Variants in NTPCR observed in about 807,000 individuals in gnomAD.
NTPCR encodes cancer-related nucleoside-triphosphatase.
NTPCR carries 15 observed loss-of-function variants against 19.5 expected under a neutral mutation model. The ratio of observed to expected loss-of-function variants is 0.77; its 90% CI spans 0.51 to 1.18. The LOEUF is 1.18. Among genes scored for constraint, NTPCR ranks in the 50% most tolerant of loss-of-function variants. The pLI is 0.00. For synonymous variants in NTPCR, 90 were observed against 95.8 expected (o/e 0.94, Z 0.36); for missense variants, 206 against 240.4 (o/e 0.86, Z 0.95).
At chr1:232,960,773 C>G (rs1293568217) in intron 3 of NTPCR, among the ~76,000 whole-genome samples, 3 of 152,088 alleles carry the variant, frequency 2.0e-5, no homozygotes, top group Non-Finnish European at 4.4e-5. Flanking sequence ...GTAGGGTTGA[C>G]TGTTAATTTT....
chr1:232,956,837 G>A (rs1418977877), intron 3 of NTPCR, among the ~76,000 whole-genome samples: 1 of 152,058 alleles, frequency 6.6e-6, no homozygotes, highest in African/African-American at 2.4e-5. Flanking sequence ...ACTGTAAGCA[G>A]TTAACGTATT....
At position 232,958,352 on chromosome 1, in the gene NTPCR, G is replaced by T. The variant is rs114930960; in HGVS notation, c.294+1909G>T. Among the ~76,000 whole-genome samples the T allele has an allele frequency of 2.0e-3, 305 of 152,310 alleles. 2 individuals are homozygous for T. Among genetic ancestry groups the T allele is most frequent in the African/African-American group, 7.2e-3 (299 of 41,574 alleles). On this transcript the variant is annotated intron_variant, in intron 3 of 4. Coordinates refer to ENST00000366628, the MANE Select transcript of NTPCR (RefSeq NM_032324.3). ...CAATCAGACTTCCCACATATGCCAG[G>T]CTGAGGCCCTTGGCACTTGCCATTT...
chr1:232,972,634 C>T (rs772827451), intron 4 of NTPCR, among the ~76,000 whole-genome samples: 25 of 151,258 alleles, frequency 1.7e-4, no homozygotes, highest in Non-Finnish European at 2.2e-4. Flanking sequence ...CCATGTTGCC[C>T]GGGGTTGATC....
intron 1 of NTPCR, among the ~76,000 whole-genome samples, chr1:232,952,635 C>T (rs1668400379): frequency 6.6e-6 from 1 of 152,002 alleles, no homozygotes. Context: ...CTCAGCCTCC[C>T]TAGTAGCTAG....
At chr1:232,976,567 C>T in intron 4 of NTPCR, 1 of 1,481,444 alleles carries the variant, frequency 6.8e-7, no homozygotes, top group Middle Eastern at 2.4e-4. Context: ...TAAGTGAAAA[C>T]AGCATCAAAA....
chr1:232,967,062 G>C (rs1436714712), intron 3 of NTPCR: 5 of 152,242 alleles, frequency 3.3e-5, no homozygotes, highest in Non-Finnish European at 7.3e-5. Flanking sequence ...TTGGGGAGGG[G>C]TTCCTGACCA....
rs1296325103 is a variant in NTPCR, at chr1:232,982,582, G to A, written c.*4351G>A. ...ACCTCATGAACCTCCCCAGAGAAAC[G>A]GGATGGAGGAGCACCCAGGGTGCTC... On this transcript the variant is annotated 3_prime_UTR_variant, in exon 5 of 5. Transcript: ENST00000366628. The A allele has an allele frequency of 1.3e-5, 2 of 152,246 alleles. No individual in the cohort carries two copies. The highest frequency in any genetic ancestry group is 2.4e-5 in the African/African-American group (1 of 41,456). The allele number at this position is 152,246 out of a possible 1,614,324, so 9.4% of individuals were successfully genotyped here.
chr1:232,969,811 C>T, intron 3 of NTPCR, 98 bp from the exon 4 acceptor site: 2 of 1,010,794 alleles, frequency 2.0e-6, no homozygotes, highest in Non-Finnish European at 3.1e-6. Context: ...AGGTTTCTGT[C>T]TTTTTTACCT....
chr1:232,959,819 T>C (rs968948728), intron 3 of NTPCR, among the ~76,000 whole-genome samples: 2 of 151,592 alleles, frequency 1.3e-5, no homozygotes, highest in Non-Finnish European at 2.9e-5. Context: ...GTTGTATGTA[T>C]GTGTGTGTGT....
rs1669225349 is a variant in NTPCR, at chr1:232,979,217, G to A, written c.*986G>A. 6.6e-6 allele frequency: 1 copy of A among 152,180 alleles called. No individual in the cohort carries two copies. Among genetic ancestry groups the A allele is most frequent in the African/African-American group, 2.4e-5 (1 of 41,432 alleles). The allele number at this position is 152,180 out of a possible 1,614,324, so 9.4% of individuals were successfully genotyped here. On this transcript the variant is annotated 3_prime_UTR_variant, in exon 5 of 5. Transcript: ENST00000366628. The surrounding 1 kb of genome is among the most constrained non-coding windows in gnomAD (Gnocchi z 5.3). ...TTCCCTCCAAGTGGTAGATGGTACTGGAGTGATAAACAGTTCAGTGTTTTT... is the reference window on the plus strand; with the variant it reads ...TTCCCTCCAAGTGGTAGATGGTACTAGAGTGATAAACAGTTCAGTGTTTTT...
chr1:232,983,415 C>G lies in NTPCR; in HGVS notation c.*5184C>G, dbSNP rs938528211. ...AGAAATGAGAAGCTTCAGTATAACT[C>G]AAAACACTGGACGCAGCAATAACTA... On this transcript the variant is annotated 3_prime_UTR_variant, in exon 5 of 5. Transcript: ENST00000366628. The G allele has an allele frequency of 1.3e-5, 2 of 152,186 alleles. No individual in the cohort carries two copies. The highest frequency in any genetic ancestry group is 2.9e-5 in the Non-Finnish European group (2 of 68,050). 9.4% of individuals were successfully genotyped at this position (152,186 alleles called of 1,614,324 possible).
chr1:232,956,347 G>A lies in NTPCR; in HGVS notation c.198G>A (p.Gly66=). The part of the protein sequence containing the change: ...SGTRGPLSRV[G]LEPPPGKREC... ...AAGAACATAATGTCTTTTCCTTCAG[G>A]TTAGAGCCTCCACCTGGAAAACGTG... The change falls in exon 3 of 5, where the codon GGG becomes GGA. Residue 66 remains glycine, a splice_region_variant and synonymous_variant. Transcript: ENST00000366628. 16 of 1,612,284 alleles carry A rather than the reference G, an allele frequency of 9.9e-6. No individual in the cohort carries two copies. Among genetic ancestry groups the A allele is most frequent in the Non-Finnish European group, 1.4e-5 (16 of 1,178,412 alleles).
At chr1:232,973,753 A>AT (rs1669052212) in intron 4 of NTPCR, among the ~76,000 whole-genome samples, 1 of 152,240 alleles carries the variant, frequency 6.6e-6, no homozygotes, top group African/African-American at 2.4e-5. Context: ...TCAAATGAAA[A>AT]TTTTAGAACT....
chr1:232,968,911 C>T (rs1329770477), intron 3 of NTPCR: 1 of 152,322 alleles, frequency 6.6e-6, no homozygotes, highest in East Asian at 1.9e-4. Context: ...CAACCAAAGT[C>T]CTGTCAGCCT....
intron 1 of NTPCR, among the ~76,000 whole-genome samples, chr1:232,952,676 A>AT (rs200922293): frequency 0.28 from 40,270 of 146,258 alleles, 5,393 homozygotes; most frequent in African/African-American, 0.32. Context: ...ATGCCCTCTA[A>AT]TTTTTTTTTT....
chr1:232,968,790 A>G (rs961611344), intron 3 of NTPCR: 1 of 152,266 alleles, frequency 6.6e-6, no homozygotes, highest in African/African-American at 2.4e-5. Context: ...TCAGCTTTAC[A>G]TACAGTTTTC....
chr1:232,970,415 G>A (rs1309988671), intron 4 of NTPCR, among the ~76,000 whole-genome samples: 1 of 152,184 alleles, frequency 6.6e-6, no homozygotes, highest in South Asian at 2.1e-4. Context: ...CTGAGCTAAG[G>A]TGCTTGTTCT....
At chr1:232,975,388 T>C (rs910106986) in intron 4 of NTPCR, among the ~76,000 whole-genome samples, 3 of 152,232 alleles carry the variant, frequency 2.0e-5, no homozygotes, top group African/African-American at 7.2e-5. Context: ...TTGACTCATC[T>C]GCTGGGCACA....
At chr1:232,952,761 T>A (rs549264313) in intron 1 of NTPCR, among the ~76,000 whole-genome samples, 1 of 152,270 alleles carries the variant, frequency 6.6e-6, no homozygotes, top group Non-Finnish European at 1.5e-5. Flanking sequence ...TTCTTTCTGT[T>A]TTCTCAATAT....
Sources: allele counts gnomAD v4.1 joint callset (sites outside exome capture counted in the v4.1 genomes callset), GRCh38; gene constraint gnomAD v4.1.1; non-coding constraint Gnocchi (gnomAD v3.1); transcripts MANE v1.5; gene names NCBI Gene and HGNC (gene_info 2026-07-23, HGNC 2026-07-21).